NIPAL2: variants seen among roughly 807,000 people sequenced by gnomAD.
NIPAL2 encodes NIPA-like protein 2.
NIPAL2 carries 43 observed loss-of-function variants against 48.9 expected under a neutral mutation model. The observed-to-expected ratio is 0.88, with a 90% CI of 0.69 to 1.13. NIPAL2 has a LOEUF of 1.13. NIPAL2 is among the 50% of genes most tolerant of loss of function. The pLI, the probability that NIPAL2 is intolerant of heterozygous loss-of-function variation, is 0.00. For synonymous variants in NIPAL2, 167 were observed against 174.6 expected, an observed-to-expected ratio of 0.96 and a Z score of 0.34; for missense variants, 446 against 461.4, an observed-to-expected ratio of 0.97 and a Z score of 0.31.
chr8:98,259,069 C>CTTTTTTTTTTTTTTTTTTTTTTT (rs1563531576), intron 1 of NIPAL2, among the ~76,000 whole-genome samples: 7 of 89,354 alleles, frequency 7.8e-5, no homozygotes, highest in African/African-American at 3.2e-4. Flanking sequence ...TTTAAATATT[C>CTTTTTTTTTTTTTTTTTTTTTTT]CTTTTTTTTT....
At chr8:98,215,815 G>A (rs1811550505) in intron 5 of NIPAL2, among the ~76,000 whole-genome samples, 2 of 151,970 alleles carry the variant, frequency 1.3e-5, no homozygotes, top group South Asian at 4.2e-4. Context: ...TACCTGTGAG[G>A]TTTCCATTTG....
At chr8:98,244,594 G>T (rs1398356061) in intron 3 of NIPAL2, among the ~76,000 whole-genome samples, 2 of 74,658 alleles carry the variant, frequency 2.7e-5, no homozygotes, top group African/African-American at 1.1e-4. Context: ...GAGAGGGTGG[G>T]CTGTGGTGAT....
At chr8:98,271,389 TTCTCCTTGTAGAGATCTTTCA>T (rs1394265169) in intron 1 of NIPAL2, among the ~76,000 whole-genome samples, 1 of 152,226 alleles carries the variant, frequency 6.6e-6, no homozygotes, top group Non-Finnish European at 1.5e-5. Context: ...TATTTTGTAG[TTCTCCTTGTAGAGATCTTTCA>T]TCTCCTTAGT....
In NIPAL2 at chr8:98,261,342, G is replaced by C. The variant is rs1226512254; in HGVS notation, c.136-7255C>G. ...ATCAAATTACTCTGAGCTACGGGAG[G>C]ACATTCAAACCAAAGGCAAAGAAGT... On this transcript the variant is annotated intron_variant, in intron 1 of 10. Transcript: ENST00000430223. 1.5e-4 allele frequency among the ~76,000 whole-genome samples: 20 copies of C among 131,540 alleles called. 1 individual carries two copies. Among genetic ancestry groups the C allele is most frequent in the Admixed American group, 9.5e-4 (12 of 12,670 alleles). 86.3% of individuals were successfully genotyped at this position (131,540 alleles called of 152,430 possible).
chr8:98,254,132 T>C (rs1813746288), intron 1 of NIPAL2, 45 bp from the exon 2 acceptor site: 1 of 1,502,256 alleles, frequency 6.7e-7, no homozygotes, highest in African/African-American at 1.4e-5. Flanking sequence ...GTAAGATATT[T>C]ACTGGAAGAA....
intron 1 of NIPAL2, among the ~76,000 whole-genome samples, chr8:98,284,615 T>C (rs906290725): frequency 2.0e-5 from 3 of 152,056 alleles, no homozygotes; most frequent in Non-Finnish European, 4.4e-5. Context: ...CCCAGCCTAA[T>C]GTGGGCTGTG....
intron 1 of NIPAL2, among the ~76,000 whole-genome samples, chr8:98,280,755 TATATATAG>T (rs1407170972): frequency 9.3e-5 from 3 of 32,292 alleles, no homozygotes; most frequent in African/African-American, 1.9e-4. Flanking sequence ...TATATATATA[TATATATAG>T]AGAGAGAGAG....
At position 98,190,495 on chromosome 8, in the gene NIPAL2, G is replaced by A. The variant is rs1416019132; in HGVS notation, c.*2483C>T. 1 of 152,252 alleles carries A rather than the reference G, an allele frequency of 6.6e-6. No individual in the cohort carries two copies. Among genetic ancestry groups the A allele is most frequent in the Admixed American group, 6.5e-5 (1 of 15,286 alleles). 9.4% of individuals were successfully genotyped at this position (152,252 alleles called of 1,614,324 possible). A position where few individuals can be genotyped will look rare whatever the true frequency, so the allele number is the denominator to read the frequency against. On this transcript the variant is annotated 3_prime_UTR_variant, in exon 11 of 11. Coordinates refer to ENST00000430223, the MANE Select transcript of NIPAL2 (RefSeq NM_001321635.2). Reference sequence around the variant, plus strand: ...CCACCGTCATGCCTGGCTAATTTTTGTACTTTTAGTAGAGATGGGGTTTCA... The same window carrying A: ...CCACCGTCATGCCTGGCTAATTTTTATACTTTTAGTAGAGATGGGGTTTCA...
At chr8:98,293,624 A>C (rs1816606716) in intron 1 of NIPAL2, among the ~76,000 whole-genome samples, 1 of 152,212 alleles carries the variant, frequency 6.6e-6, no homozygotes. Context: ...TAACTGTAAA[A>C]GGATCCTGGG....
At chr8:98,230,988 T>C (rs577153757) in intron 4 of NIPAL2, among the ~76,000 whole-genome samples, 14 of 152,330 alleles carry the variant, frequency 9.2e-5, no homozygotes, top group African/African-American at 3.1e-4. Context: ...GAGTTTTTCT[T>C]ATTCAGCTAA....
At position 98,294,086 on chromosome 8, in the gene NIPAL2, C is replaced by G; in HGVS notation, c.52G>C (p.Asp18His). The change falls in exon 1 of 11, where the codon GAC becomes CAC. Residue 18 changes from aspartate (D) to histidine (H), a missense_variant. Transcript: ENST00000430223. ...GPGDSASAAL[D>H]ELSLNFTYGA... ...TACGTGAAATTCAGTGACAGCTCGTCCAGGGCGGCCGAGGCGGAGTCCCCG... is the reference window on the plus strand; with the variant it reads ...TACGTGAAATTCAGTGACAGCTCGTGCAGGGCGGCCGAGGCGGAGTCCCCG... 1 of 1,493,396 alleles carries G rather than the reference C, an allele frequency of 6.7e-7. No individual in the cohort carries two copies. Among genetic ancestry groups the G allele is most frequent in the Non-Finnish European group, 8.9e-7 (1 of 1,121,900 alleles). The allele number at this position is 1,493,396 out of a possible 1,614,324, so 92.5% of individuals were successfully genotyped here.
At chr8:98,245,085 A>G (rs1445682138) in intron 3 of NIPAL2, among the ~76,000 whole-genome samples, 1 of 152,222 alleles carries the variant, frequency 6.6e-6, no homozygotes, top group Non-Finnish European at 1.5e-5. Context: ...TTACATAATA[A>G]TGCTACAAAC....
chr8:98,289,702 G>A lies in NIPAL2; in HGVS notation c.135+4301C>T, dbSNP rs1816391120. On this transcript the variant is annotated intron_variant, in intron 1 of 10. Transcript: ENST00000430223. ...TAGAAAATCTGATAAAGGAAAAAAT[G>A]TCACATTGGATACATAAGGAAGGGA... 2.0e-5 allele frequency among the ~76,000 whole-genome samples: 3 copies of A among 151,990 alleles called. No individual in the cohort carries two copies. In the South Asian group the frequency reaches 6.2e-4, roughly 32 times the overall value.
At chr8:98,204,758 T>C (rs1810950989) in intron 7 of NIPAL2, among the ~76,000 whole-genome samples, 1 of 151,934 alleles carries the variant, frequency 6.6e-6, no homozygotes, top group African/African-American at 2.4e-5. Context: ...TGTCCTATAT[T>C]TAGAATGAAA....
At chr8:98,267,679 T>A (rs925756021) in intron 1 of NIPAL2, among the ~76,000 whole-genome samples, 10 of 152,208 alleles carry the variant, frequency 6.6e-5, no homozygotes, top group Non-Finnish European at 1.5e-4. Flanking sequence ...TTTAACTTTT[T>A]AAGCCATCAT....
chr8:98,279,968 G>A (rs1815703494), intron 1 of NIPAL2, among the ~76,000 whole-genome samples: 1 of 152,204 alleles, frequency 6.6e-6, no homozygotes, highest in African/African-American at 2.4e-5. Context: ...GTTCAAAATA[G>A]CAGCATTGAT....
intron 3 of NIPAL2, among the ~76,000 whole-genome samples, chr8:98,245,454 T>G (rs1813261706): frequency 6.6e-6 from 1 of 152,212 alleles, no homozygotes; most frequent in Non-Finnish European, 1.5e-5. Context: ...GTCAAGTAAT[T>G]CATGTTGATT....
chr8:98,284,548 T>C (rs1484692485), intron 1 of NIPAL2, among the ~76,000 whole-genome samples: 1 of 152,098 alleles, frequency 6.6e-6, no homozygotes, highest in African/African-American at 2.4e-5. Flanking sequence ...CCTCTCTGCT[T>C]ACGGTTTTTC....
At chr8:98,280,761 T>TATATATATATATATATAGAGAGAGAGAG in intron 1 of NIPAL2, among the ~76,000 whole-genome samples, 68 of 29,996 alleles carry the variant, frequency 2.3e-3, no homozygotes, top group Middle Eastern at 0.02. Context: ...TATATATATA[T>TATATATATATATATATAGAGAGAGAGAG]AGAGAGAGAG....
Sources: allele counts gnomAD v4.1 joint callset (sites outside exome capture counted in the v4.1 genomes callset), GRCh38; gene constraint gnomAD v4.1.1; transcripts MANE v1.5; gene names NCBI Gene and HGNC (gene_info 2026-07-23, HGNC 2026-07-21).